Variants in PTPRD observed in about 807,000 individuals in gnomAD.
The protein encoded by PTPRD is protein tyrosine phosphatase receptor type D.
In PTPRD, 34 loss-of-function variants were observed where a neutral mutation model predicts 214.5. That is an observed-to-expected ratio of 0.16 (90% confidence interval 0.12 to 0.21). The LOEUF is 0.21. PTPRD is among the 10% of genes least tolerant of loss of function. The pLI is 1.00. For missense variants in PTPRD, 2,545 were observed against 2,398.7 expected, an observed-to-expected ratio of 1.06 and a Z score of -1.27; for synonymous variants, 1,128 against 845.7, an observed-to-expected ratio of 1.33 and a Z score of -5.79.
intron 9 of PTPRD, among the ~76,000 whole-genome samples, chr9:9,187,708 C>A (rs1051517629): frequency 6.6e-6 from 1 of 151,908 alleles, no homozygotes; most frequent in Non-Finnish European, 1.5e-5. Context: ...AATACTACTG[C>A]AACCCACATT....
At chr9:9,340,354 T>C (rs2046295604) in intron 9 of PTPRD, among the ~76,000 whole-genome samples, 1 of 152,222 alleles carries the variant, frequency 6.6e-6, no homozygotes, top group Non-Finnish European at 1.5e-5. Context: ...ACACTGAAGA[T>C]TTGCTTTAGA....
intron 8 of PTPRD, among the ~76,000 whole-genome samples, chr9:9,490,579 A>G (rs1245705137): frequency 1.3e-5 from 2 of 152,070 alleles, no homozygotes; most frequent in Admixed American, 6.6e-5. Flanking sequence ...TGTTATATCA[A>G]CAACCAAAAA....
At chr9:9,180,814 T>C (rs1236850544) in intron 10 of PTPRD, among the ~76,000 whole-genome samples, 2 of 152,072 alleles carry the variant, frequency 1.3e-5, no homozygotes, top group East Asian at 3.9e-4. Context: ...TGTATTGAGC[T>C]TCACCCAAGT....
chr9:10,245,523 A>T (rs1413418536), intron 3 of PTPRD, among the ~76,000 whole-genome samples: 1 of 152,202 alleles, frequency 6.6e-6, no homozygotes, highest in Non-Finnish European at 1.5e-5. Flanking sequence ...CCCCACAAGC[A>T]CTACATGATA....
At chr9:10,279,021 G>A (rs112313574) in intron 3 of PTPRD, among the ~76,000 whole-genome samples, 6,204 of 152,102 alleles carry the variant, frequency 0.041, 437 homozygotes, top group African/African-American at 0.14. Context: ...TGATCTGCCC[G>A]CCTTGGCCTC....
intron 11 of PTPRD, among the ~76,000 whole-genome samples, chr9:8,932,049 C>T (rs2098956613): frequency 6.6e-6 from 1 of 152,126 alleles, no homozygotes; most frequent in Admixed American, 6.5e-5. Context: ...TGATTCTTCT[C>T]TCTTTTCTTC....
intron 11 of PTPRD, among the ~76,000 whole-genome samples, chr9:8,734,279 G>A (rs2098693147): frequency 6.6e-6 from 1 of 152,132 alleles, no homozygotes; most frequent in Non-Finnish European, 1.5e-5. Flanking sequence ...CACTTCTTAT[G>A]AAACATTACG....
intron 9 of PTPRD, among the ~76,000 whole-genome samples, chr9:9,263,300 C>G (rs951711082): frequency 3.3e-5 from 5 of 151,520 alleles, no homozygotes; most frequent in African/African-American, 1.2e-4. Flanking sequence ...AATACATCTC[C>G]TATAGGAGAA....
chr9:9,514,514 G>T (rs1454343203), intron 8 of PTPRD, among the ~76,000 whole-genome samples: 2 of 152,018 alleles, frequency 1.3e-5, no homozygotes, highest in Admixed American at 6.6e-5. Context: ...TTTATCACAG[G>T]AGAGAAATTC....
intron 7 of PTPRD, among the ~76,000 whole-genome samples, chr9:9,693,748 T>A (rs1389897790): frequency 3.3e-5 from 5 of 152,206 alleles, no homozygotes; most frequent in African/African-American, 9.6e-5. Flanking sequence ...TTGAGGATAT[T>A]TTCTAGATCT....
At chr9:8,332,555 A>G (rs1311038250) in intron 43 of PTPRD, among the ~76,000 whole-genome samples, 1 of 152,156 alleles carries the variant, frequency 6.6e-6, no homozygotes, top group Admixed American at 6.6e-5. Flanking sequence ...AAAAAAAGCC[A>G]GATTGAAGAG....
At position 10,060,885 on chromosome 9, in the gene PTPRD, C is replaced by T. The variant is rs746509142; in HGVS notation, c.-544-27095G>A. 4.8e-4 allele frequency among the ~76,000 whole-genome samples: 35 copies of T among 73,288 alleles called. No individual in the cohort carries two copies. The African/African-American group carries it at 5.8e-3, about 12-fold the overall frequency. 48.1% of individuals were successfully genotyped at this position (73,288 alleles called of 152,430 possible). On this transcript the variant is annotated intron_variant, in intron 3 of 45. Coordinates refer to ENST00000381196, the MANE Select transcript of PTPRD (RefSeq NM_002839.4). ...CCTTCCTTCTTTCCTTCCTTCCTTC[C>T]TTCCTTCCTTCCTTCTTTCTTTCTT...
intron 11 of PTPRD, among the ~76,000 whole-genome samples, chr9:8,773,240 C>G (rs1395315749): frequency 6.6e-6 from 1 of 152,116 alleles, no homozygotes; most frequent in Non-Finnish European, 1.5e-5. Context: ...AGAGAGGAAG[C>G]CTCTGTAGAT....
intron 33 of PTPRD, chr9:8,452,030 T>A: frequency 3.5e-6 from 1 of 283,750 alleles, no homozygotes; most frequent in East Asian, 1.1e-4. Context: ...AGTTAGGAAT[T>A]ACATCTTGTT....
At chr9:9,195,072 ATG>A (rs1169856008) in intron 9 of PTPRD, among the ~76,000 whole-genome samples, 3 of 133,186 alleles carry the variant, frequency 2.3e-5, no homozygotes, top group African/African-American at 2.7e-5. Context: ...ATATATACAT[ATG>A]TGTGTGTTTG....
chr9:9,953,493 G>GACACAC (rs59836734), intron 4 of PTPRD, among the ~76,000 whole-genome samples: 70 of 145,328 alleles, frequency 4.8e-4, no homozygotes, highest in Middle Eastern at 3.6e-3. Flanking sequence ...GGGAATTGTG[G>GACACAC]ACACACACAC....
At chr9:9,553,055 T>G (rs1490151172) in intron 8 of PTPRD, among the ~76,000 whole-genome samples, 1 of 152,062 alleles carries the variant, frequency 6.6e-6, no homozygotes, top group Non-Finnish European at 1.5e-5. Context: ...TTTATTCAAT[T>G]TCTTTTTTAT....
chr9:9,301,757 G>A lies in PTPRD; in HGVS notation c.-203+95692C>T, dbSNP rs146287782. On this transcript the variant is annotated intron_variant, in intron 9 of 45. Coordinates refer to ENST00000381196, the MANE Select transcript of PTPRD (RefSeq NM_002839.4). The stretch of plus-strand genomic sequence containing the variant: ...TGATTGCACTAATTATAGGTATAAT[G>A]GTCATTTCAAAGAAAGGAATTGCTG... 4.6e-5 allele frequency among the ~76,000 whole-genome samples: 7 copies of A among 151,924 alleles called. No homozygotes were observed. The East Asian group carries it at 1.2e-3, about 25-fold the overall frequency.
chr9:10,146,150 C>CATATATATATATATATATATATAT (rs56191246), intron 3 of PTPRD, among the ~76,000 whole-genome samples: 1 of 147,322 alleles, frequency 6.8e-6, no homozygotes, highest in African/African-American at 2.5e-5. Context: ...TGAAATCATC[C>CATATATATATATATATATATATAT]ATATATATAT....
Sources: allele counts gnomAD v4.1 joint callset (sites outside exome capture counted in the v4.1 genomes callset), GRCh38; gene constraint gnomAD v4.1.1; transcripts MANE v1.5; gene names NCBI Gene and HGNC (gene_info 2026-07-23, HGNC 2026-07-21).